The following LRRC4C variants were observed in gnomAD, a reference collection of about 807,000 sequenced individuals.
LRRC4C encodes leucine-rich repeat-containing protein 4C.
In LRRC4C, 5 loss-of-function variants were observed where a neutral mutation model predicts 33.6. The ratio of observed to expected loss-of-function variants is 0.15; its 90% CI spans 0.08 to 0.31. The LOEUF (loss-of-function observed/expected upper bound fraction) is 0.31. Among genes scored for constraint, LRRC4C ranks in the 10% least tolerant of loss-of-function variants. LRRC4C has a pLI of 1.00. For missense variants in LRRC4C, 560 were observed against 796.7 expected (o/e 0.70, Z 3.58); for synonymous variants, 329 against 302.0 (o/e 1.09, Z -0.93).
chr11:40,573,722 A>C (rs533322737), intron 3 of LRRC4C, among the ~76,000 whole-genome samples: 11 of 152,326 alleles, frequency 7.2e-5, no homozygotes, highest in African/African-American at 2.6e-4. Flanking sequence ...ATTGGCAATA[A>C]ATGTATCCTA....
chr11:40,355,077 C>A (rs901136153), intron 3 of LRRC4C, among the ~76,000 whole-genome samples: 3 of 152,054 alleles, frequency 2.0e-5, no homozygotes, highest in African/African-American at 4.8e-5. Flanking sequence ...CAGGACTGGG[C>A]CCTTCTTTTC....
Position 40,822,831 on chromosome 11 carries a change from T to G in LRRC4C, c.-407+110804A>C, listed in dbSNP as rs113839000. 9.2e-3 allele frequency among the ~76,000 whole-genome samples: 1,403 copies of G among 151,972 alleles called. 11 individuals carry two copies. The highest frequency in any genetic ancestry group is 0.017 in the South Asian group (82 of 4,828). On this transcript the variant is annotated intron_variant, in intron 2 of 6. Transcript: ENST00000528697. ...CTTACATTTCAGTCTTTAATTCATTTTGATTTGATTTTTGTATATAGTGAG... is the reference window on the plus strand; with the variant it reads ...CTTACATTTCAGTCTTTAATTCATTGTGATTTGATTTTTGTATATAGTGAG...
intron 1 of LRRC4C, among the ~76,000 whole-genome samples, chr11:40,976,549 A>G (rs1852097964): frequency 1.3e-5 from 2 of 152,218 alleles, no homozygotes; most frequent in South Asian, 4.1e-4. Context: ...TTTAGCATGT[A>G]GAGAAAGGCA....
At chr11:40,329,507 A>G (rs1590333757) in intron 3 of LRRC4C, among the ~76,000 whole-genome samples, 1 of 152,240 alleles carries the variant, frequency 6.6e-6, no homozygotes, top group East Asian at 1.9e-4. Context: ...TTATTCTGGA[A>G]AAGTGTGATT....
intron 3 of LRRC4C, among the ~76,000 whole-genome samples, chr11:40,589,018 T>C (rs1011151002): frequency 4.6e-5 from 7 of 152,144 alleles, no homozygotes; most frequent in African/African-American, 1.7e-4. Flanking sequence ...CTGAGTTCAA[T>C]TGCTGGGTAT....
chr11:41,063,284 T>A (rs958002966), intron 1 of LRRC4C, among the ~76,000 whole-genome samples: 1 of 152,204 alleles, frequency 6.6e-6, no homozygotes, highest in East Asian at 1.9e-4. Flanking sequence ...GTGATAGGGA[T>A]GTAATAGTAA....
chr11:40,793,175 C>T (rs1428086023), intron 2 of LRRC4C, among the ~76,000 whole-genome samples: 1 of 151,790 alleles, frequency 6.6e-6, no homozygotes, highest in African/African-American at 2.4e-5. Context: ...TTACCAAACT[C>T]AAATTTGCAA....
chr11:41,034,638 TG>T (rs1262612526), intron 1 of LRRC4C, among the ~76,000 whole-genome samples: 2,210 of 136,078 alleles, frequency 0.016, 19 homozygotes, highest in Non-Finnish European at 0.025. Context: ...TATATATATA[TG>T]AGGTGAGAGT....
chr11:40,953,178 C>T (rs947204863), intron 1 of LRRC4C, among the ~76,000 whole-genome samples: 4 of 151,774 alleles, frequency 2.6e-5, no homozygotes, highest in Non-Finnish European at 4.4e-5. Flanking sequence ...AAATCTATCC[C>T]GAGAGGGACC....
intron 3 of LRRC4C, among the ~76,000 whole-genome samples, chr11:40,359,330 G>A (rs920055168): frequency 6.6e-6 from 1 of 152,172 alleles, no homozygotes; most frequent in Non-Finnish European, 1.5e-5. Context: ...AGAAGTGCAT[G>A]TCATATTCTG....
intron 5 of LRRC4C, among the ~76,000 whole-genome samples, chr11:40,204,873 G>A (rs893760778): frequency 4.6e-5 from 7 of 152,144 alleles, no homozygotes; most frequent in African/African-American, 1.7e-4. Context: ...GATACTTAAA[G>A]GTTTCTGGAC....
At chr11:40,600,876 T>A (rs999724819) in intron 3 of LRRC4C, among the ~76,000 whole-genome samples, 1 of 11,948 alleles carries the variant, frequency 8.4e-5, no homozygotes, top group Non-Finnish European at 0.012. Context: ...TTTATACATA[T>A]CCCCATAAAT....
rs1218927324 is a variant in LRRC4C, at chr11:40,635,133, A to C, written c.-270+13009T>G. 2.0e-5 allele frequency among the ~76,000 whole-genome samples: 3 copies of C among 152,144 alleles called. No individual in the cohort carries two copies. The East Asian group carries it at 5.8e-4, about 29-fold the overall frequency. On this transcript the variant is annotated intron_variant, in intron 3 of 6. Transcript: ENST00000528697. ...ACCTCCAGGCAAAATAACAAAGCAAATCAAGCTGCAATAACTTTAACAGCC... is the reference window on the plus strand; with the variant it reads ...ACCTCCAGGCAAAATAACAAAGCAACTCAAGCTGCAATAACTTTAACAGCC...
At chr11:40,263,962 A>C (rs1483753062) in intron 4 of LRRC4C, among the ~76,000 whole-genome samples, 1 of 152,196 alleles carries the variant, frequency 6.6e-6, no homozygotes. Flanking sequence ...TTCCGCGCCC[A>C]GTCCTCCTAA....
chr11:40,840,861 G>A (rs1952880106), intron 2 of LRRC4C, among the ~76,000 whole-genome samples: 1 of 152,160 alleles, frequency 6.6e-6, no homozygotes, highest in African/African-American at 2.4e-5. Flanking sequence ...AACATTATAT[G>A]CTCTGGGAAC....
At chr11:40,611,415 A>G (rs1406231618) in intron 3 of LRRC4C, among the ~76,000 whole-genome samples, 3 of 151,916 alleles carry the variant, frequency 2.0e-5, no homozygotes, top group Admixed American at 2.0e-4. Flanking sequence ...TAAAACTCTC[A>G]TTAGAAAATG....
intron 1 of LRRC4C, among the ~76,000 whole-genome samples, chr11:41,262,378 C>T (rs76749994): frequency 0.019 from 2,810 of 148,676 alleles, 89 homozygotes; most frequent in African/African-American, 0.067. Flanking sequence ...GACTGCTACC[C>T]TATACTACTA....
chr11:40,882,513 A>G (rs551538224), intron 2 of LRRC4C, among the ~76,000 whole-genome samples: 108 of 152,056 alleles, frequency 7.1e-4, no homozygotes, highest in South Asian at 1.9e-3. Context: ...CCCAATATAT[A>G]TTCCACCTTC....
intron 5 of LRRC4C, among the ~76,000 whole-genome samples, chr11:40,234,117 C>A (rs1032064395): frequency 6.6e-6 from 1 of 152,170 alleles, no homozygotes; most frequent in Non-Finnish European, 1.5e-5. Context: ...GGAAGCAGCT[C>A]TTTTTAACAC....
Sources: gnomAD v4.1 joint callset for allele counts (sites outside exome capture counted in the v4.1 genomes callset) on GRCh38, gnomAD v4.1.1 for gene constraint, MANE v1.5 for transcripts, NCBI Gene and HGNC (gene_info 2026-07-23, HGNC 2026-07-21) for gene names.